PEBP4: variants seen among roughly 807,000 people sequenced by gnomAD.
PEBP4 encodes the protein phosphatidylethanolamine binding protein 4, also known as phosphatidylethanolamine-binding protein 4.
Under a neutral mutation model 23.9 loss-of-function variants are expected in PEBP4, and 22 were observed. The ratio of observed to expected loss-of-function variants is 0.92; its 90% CI spans 0.66 to 1.31. The LOEUF (loss-of-function observed/expected upper bound fraction) is 1.31. Among genes scored for constraint, PEBP4 ranks in the 40% most tolerant of loss-of-function variants. The probability of loss-of-function intolerance (pLI) is 0.00; values close to 1 mark genes in which losing one functional copy is unlikely to be tolerated. For synonymous variants in PEBP4, 112 were observed against 99.3 expected, an observed-to-expected ratio of 1.13 and a Z score of -0.76; for missense variants, 324 against 281.7, an observed-to-expected ratio of 1.15 and a Z score of -1.07.
intron 4 of PEBP4, among the ~76,000 whole-genome samples, chr8:22,771,543 AAAT>A (rs1004685831): frequency 6.6e-6 from 1 of 152,204 alleles, no homozygotes; most frequent in African/African-American, 2.4e-5. Flanking sequence ...ATATGTGATG[AAAT>A]AATAATAATA....
chr8:22,911,845 C>T (rs906022297), intron 3 of PEBP4, among the ~76,000 whole-genome samples: 1 of 152,208 alleles, frequency 6.6e-6, no homozygotes, highest in Non-Finnish European at 1.5e-5. Context: ...TCCCATGTGC[C>T]CCCTTGGTAG....
intron 4 of PEBP4, among the ~76,000 whole-genome samples, chr8:22,741,676 G>C (rs911622017): frequency 5.9e-5 from 9 of 152,308 alleles, no homozygotes; most frequent in African/African-American, 2.2e-4. Flanking sequence ...GGGCCGCTCA[G>C]CTGAGCCCCA....
At chr8:22,842,612 T>C (rs1393211405) in intron 3 of PEBP4, among the ~76,000 whole-genome samples, 2 of 152,100 alleles carry the variant, frequency 1.3e-5, no homozygotes, top group South Asian at 2.1e-4. Flanking sequence ...GGAAGGAGCA[T>C]GACTCTGTCA....
intron 4 of PEBP4, among the ~76,000 whole-genome samples, chr8:22,753,124 G>A (rs1219486847): frequency 6.6e-6 from 1 of 152,198 alleles, no homozygotes; most frequent in Admixed American, 6.5e-5. Context: ...TGCCTACCAG[G>A]TGCAGAGACA....
chr8:22,886,197 C>G (rs1808370593), intron 3 of PEBP4: 1 of 152,210 alleles, frequency 6.6e-6, no homozygotes, highest in African/African-American at 2.4e-5. Context: ...TATTTCTGCA[C>G]TTTACAGACA....
At position 22,775,155 on chromosome 8, in the gene PEBP4, T is replaced by C. The variant is rs1024204986; in HGVS notation, c.357+42482A>G. 2.0e-5 allele frequency among the ~76,000 whole-genome samples: 3 copies of C among 152,210 alleles called. No homozygotes were observed. Among genetic ancestry groups the C allele is most frequent in the African/African-American group, 7.2e-5 (3 of 41,456 alleles). On this transcript the variant is annotated intron_variant, in intron 4 of 6. Coordinates refer to ENST00000256404, the MANE Select transcript of PEBP4 (RefSeq NM_144962.3). The surrounding 1 kb of genome is among the most constrained non-coding windows in gnomAD (Gnocchi z 4.8). The stretch of plus-strand genomic sequence containing the variant: ...ACCATAAGAGACGGGCCCCAAGTTC[T>C]CTTCTAAGGTCATGTTCTAGGTTTT...
At chr8:22,940,141 G>A (rs538092153) in intron 1 of PEBP4, among the ~76,000 whole-genome samples, 1 of 152,176 alleles carries the variant, frequency 6.6e-6, no homozygotes, top group Non-Finnish European at 1.5e-5. Flanking sequence ...TCTTTGCAGG[G>A]ACAGAGTCAA....
chr8:22,795,164 T>TATATATATATATATATA (rs1491200518), intron 4 of PEBP4, among the ~76,000 whole-genome samples: 27 of 17,508 alleles, frequency 1.5e-3, no homozygotes, highest in East Asian at 6.6e-3. Context: ...TATATATATA[T>TATATATATATATATATA]TTTTTTTTTT....
intron 6 of PEBP4, among the ~76,000 whole-genome samples, chr8:22,718,059 GGGA>G (rs1804449540): frequency 6.6e-6 from 1 of 152,154 alleles, no homozygotes; most frequent in Admixed American, 6.5e-5. Flanking sequence ...CAATTACTCC[GGGA>G]GGAGATTTGC....
chr8:22,919,051 C>T (rs1029161687), intron 3 of PEBP4, among the ~76,000 whole-genome samples: 4 of 152,172 alleles, frequency 2.6e-5, no homozygotes, highest in East Asian at 1.9e-4. Flanking sequence ...TCATAACTTG[C>T]GAGCCATATC....
chr8:22,873,249 T>C (rs139395111), intron 3 of PEBP4, among the ~76,000 whole-genome samples: 1 of 152,272 alleles, frequency 6.6e-6, no homozygotes, highest in East Asian at 1.9e-4. Flanking sequence ...TTGTCAGCCA[T>C]GGAGGAAAGG....
rs117950659 is a variant in PEBP4 at position 22,867,793 on chromosome 8, A to T, written c.259-50058T>A. On this transcript the variant is annotated intron_variant, in intron 3 of 6. Transcript: ENST00000256404. ...ACCATCTGCCACTTCAACAAGAGAG[A>T]CTCAGGGATGTTGAATGTGAAAACT... is the stretch of plus-strand genomic sequence containing the variant. Among the ~76,000 whole-genome samples, 125 of 152,224 alleles carry T rather than the reference A, an allele frequency of 8.2e-4. 2 individuals carry two copies. In the East Asian group the frequency reaches 0.023, roughly 28 times the overall value.
intron 4 of PEBP4, chr8:22,798,402 G>A (rs28615114): frequency 2.0e-5 from 3 of 152,856 alleles, no homozygotes; most frequent in Non-Finnish European, 4.4e-5. Flanking sequence ...TTCCCCCTGC[G>A]CTAAATCACC....
At chr8:22,759,273 G>A (rs1805454050) in intron 4 of PEBP4, among the ~76,000 whole-genome samples, 1 of 152,102 alleles carries the variant, frequency 6.6e-6, no homozygotes, top group Non-Finnish European at 1.5e-5. Context: ...CCAGGGCTTT[G>A]CCAAGAGAGG....
At chr8:22,875,606 G>A (rs1407239804) in intron 3 of PEBP4, among the ~76,000 whole-genome samples, 5 of 152,118 alleles carry the variant, frequency 3.3e-5, no homozygotes, top group Admixed American at 1.3e-4. Context: ...TTGGGACCCC[G>A]CTTCACAGTT....
chr8:22,859,861 A>T (rs1038932495), intron 3 of PEBP4, among the ~76,000 whole-genome samples: 13 of 151,830 alleles, frequency 8.6e-5, no homozygotes, highest in South Asian at 2.1e-4. Flanking sequence ...CAATCTTTTT[A>T]AAAAATATTG....
chr8:22,742,283 C>A (rs765945266), intron 4 of PEBP4, among the ~76,000 whole-genome samples: 1 of 152,262 alleles, frequency 6.6e-6, no homozygotes, highest in Non-Finnish European at 1.5e-5. Flanking sequence ...CCAGCTCTTG[C>A]GCCCCTGGTC....
chr8:22,921,500 T>A (rs149267705), intron 2 of PEBP4, among the ~76,000 whole-genome samples: 122 of 152,332 alleles, frequency 8.0e-4, no homozygotes, highest in African/African-American at 2.7e-3. Context: ...TGGGGAACCC[T>A]GCATTGCCCC....
chr8:22,845,551 T>C (rs757196917), intron 3 of PEBP4, among the ~76,000 whole-genome samples: 15 of 152,146 alleles, frequency 9.9e-5, no homozygotes, highest in Non-Finnish European at 1.5e-4. Flanking sequence ...CAGCAGCACA[T>C]GGTAGAGATG....
Sources: gnomAD v4.1 joint callset for allele counts (sites outside exome capture counted in the v4.1 genomes callset) on GRCh38, gnomAD v4.1.1 for gene constraint, Gnocchi (gnomAD v3.1) non-coding constraint, MANE v1.5 for transcripts, NCBI Gene and HGNC (gene_info 2026-07-23, HGNC 2026-07-21) for gene names.